The following CDH2 variants were observed in gnomAD, a reference collection of about 807,000 sequenced individuals.
CDH2 encodes cadherin 2.
A neutral mutation model predicts 92.0 loss-of-function variants in CDH2; 17 were observed. The observed-to-expected ratio is 0.18, with a 90% confidence interval of 0.13 to 0.28. The LOEUF is 0.28. Ranked by LOEUF, CDH2 falls within the 10% of genes least tolerant of loss-of-function variation. The probability of loss-of-function intolerance (pLI) is 1.00; values close to 1 mark genes in which losing one functional copy is unlikely to be tolerated. For missense variants in CDH2, 862 were observed against 1,133.1 expected, an observed-to-expected ratio of 0.76 and a Z score of 3.44; for synonymous variants, 419 against 415.9, an observed-to-expected ratio of 1.01 and a Z score of -0.09.
At chr18:27,986,863 A>C (rs1187410563) in intron 11 of CDH2, among the ~76,000 whole-genome samples, 2 of 152,242 alleles carry the variant, frequency 1.3e-5, no homozygotes, top group Non-Finnish European at 2.9e-5. Context: ...ATCACATTTA[A>C]TATTACTATA....
chr18:27,988,409 T>C, intron 11 of CDH2, 115 bp downstream of exon 11: 1 of 830,516 alleles, frequency 1.2e-6, no homozygotes, highest in Non-Finnish European at 1.9e-6. Flanking sequence ...GACCTCGGAA[T>C]TATAAAAGTC....
intron 1 of CDH2, among the ~76,000 whole-genome samples, chr18:28,155,922 T>C (rs1280875484): frequency 6.6e-6 from 1 of 152,202 alleles, no homozygotes; most frequent in Non-Finnish European, 1.5e-5. Flanking sequence ...GATGGCACTT[T>C]TGAATTTCAC....
intron 2 of CDH2, among the ~76,000 whole-genome samples, chr18:28,107,861 A>G (rs2015348305): frequency 6.6e-6 from 1 of 152,224 alleles, no homozygotes; most frequent in Non-Finnish European, 1.5e-5. Flanking sequence ...GTCTAGCGGA[A>G]AAGAAAAGGA....
chr18:28,160,510 G>C (rs1055685175), intron 1 of CDH2, among the ~76,000 whole-genome samples: 2 of 152,180 alleles, frequency 1.3e-5, no homozygotes, highest in Non-Finnish European at 2.9e-5. Context: ...GGGACAGCAT[G>C]GATTCTGACA....
chr18:28,101,776 C>T (rs909200540), intron 2 of CDH2, among the ~76,000 whole-genome samples: 1 of 152,072 alleles, frequency 6.6e-6, no homozygotes, highest in Non-Finnish European at 1.5e-5. Flanking sequence ...CTACCCTAAG[C>T]ATGAAAGGGC....
At chr18:27,957,891 T>C (rs757861225) in intron 15 of CDH2, among the ~76,000 whole-genome samples, 8 of 152,206 alleles carry the variant, frequency 5.3e-5, no homozygotes, top group Non-Finnish European at 1.0e-4. Flanking sequence ...CAATTTTTGA[T>C]GCAGAAGGAG....
At chr18:27,942,031 T>G (rs567607960) in intron 6 of CDH2, among the ~76,000 whole-genome samples, 3 of 152,290 alleles carry the variant, frequency 2.0e-5, no homozygotes, top group Admixed American at 2.0e-4. Flanking sequence ...ATAAAACATA[T>G]TTAATGCTGC....
chr18:28,056,678 T>C (rs1433653201), intron 2 of CDH2, among the ~76,000 whole-genome samples: 1 of 152,136 alleles, frequency 6.6e-6, no homozygotes. Context: ...CAAAAGGAAA[T>C]TCTAACAAAC....
chr18:27,965,849 T>C (rs544419735), intron 14 of CDH2, among the ~76,000 whole-genome samples: 20 of 151,166 alleles, frequency 1.3e-4, no homozygotes, highest in Non-Finnish European at 2.8e-4. Context: ...CCGGATGTGG[T>C]GGTGGGCGCC....
intron 2 of CDH2, among the ~76,000 whole-genome samples, chr18:28,126,460 C>A (rs2015679215): frequency 1.3e-5 from 2 of 152,008 alleles, no homozygotes; most frequent in African/African-American, 4.8e-5. Flanking sequence ...TTTACTGAAT[C>A]CCTTTAAAAT....
intron 2 of CDH2, among the ~76,000 whole-genome samples, chr18:28,043,468 A>T (rs992394207): frequency 1.7e-5 from 1 of 58,236 alleles, no homozygotes; most frequent in Non-Finnish European, 3.1e-5. Context: ...ATAAATATAT[A>T]TATATATATA....
intron 2 of CDH2, among the ~76,000 whole-genome samples, chr18:28,106,376 T>C (rs2015321546): frequency 6.6e-6 from 1 of 151,416 alleles, no homozygotes; most frequent in Admixed American, 6.6e-5. Context: ...GAGATGGCGC[T>C]ACTGCACTCC....
chr18:28,129,377 A>C (rs2015729723), intron 2 of CDH2, among the ~76,000 whole-genome samples: 1 of 152,348 alleles, frequency 6.6e-6, no homozygotes, highest in Non-Finnish European at 1.5e-5. Context: ...TGCTGTCAAA[A>C]AATATTTGAA....
chr18:27,985,637 A>G lies in CDH2; in HGVS notation c.1866T>C (p.Asn622=). Residue 622 remains asparagine (N), a synonymous_variant, in exon 12 of 16, where the codon AAT becomes AAC. Transcript: ENST00000269141. ...CAATGTCATAATCAAGTGCTGTAAT[A>G]TTAATTGAATTGGGGTCTGGAGTTT... The part of the protein sequence containing the change: ...TCETPDPNSI[N]ITALDYDIDP... The G allele has an allele frequency of 6.2e-7, 1 of 1,613,910 alleles. No homozygotes were observed. Among genetic ancestry groups the G allele is most frequent in the Middle Eastern group, 1.6e-4 (1 of 6,062 alleles).
chr18:28,164,669 C>A (rs1000476948), intron 1 of CDH2, among the ~76,000 whole-genome samples: 9 of 152,084 alleles, frequency 5.9e-5, no homozygotes, highest in African/African-American at 2.2e-4. Flanking sequence ...CACACAGACA[C>A]ACACACACAC....
rs1599018130 is a variant in CDH2, at chr18:27,993,729, A to G, written c.1021-92T>C. ...GTAAACGGCTCTTTATAATGCAAGGAGAGCATGGCATCATTCATTCTGATT... is the reference window on the plus strand; with the variant it reads ...GTAAACGGCTCTTTATAATGCAAGGGGAGCATGGCATCATTCATTCTGATT... On this transcript the variant is annotated intron_variant, in intron 7 of 15. Coordinates refer to ENST00000269141, the MANE Select transcript of CDH2 (RefSeq NM_001792.5). The G allele has an allele frequency of 4.3e-6, 4 of 924,768 alleles. No homozygotes were observed. In the East Asian group the frequency reaches 9.7e-5, roughly 22 times the overall value. 57.3% of individuals were successfully genotyped at this position (924,768 alleles called of 1,614,324 possible). A position where few individuals can be genotyped will look rare whatever the true frequency, so the allele number is the denominator to read the frequency against.
intron 2 of CDH2, among the ~76,000 whole-genome samples, chr18:28,068,826 C>T (rs571354624): frequency 2.6e-5 from 4 of 152,184 alleles, no homozygotes; most frequent in Admixed American, 6.5e-5. Context: ...AGATACAACC[C>T]GATAGGGAGT....
chr18:28,038,975 G>A (rs781364122), intron 2 of CDH2, among the ~76,000 whole-genome samples: 5 of 152,132 alleles, frequency 3.3e-5, no homozygotes, highest in Non-Finnish European at 7.4e-5. Context: ...CTCCTGTGAA[G>A]ATTTGGCAAT....
At chr18:28,032,904 G>A (rs1422651024) in intron 2 of CDH2, among the ~76,000 whole-genome samples, 1 of 152,022 alleles carries the variant, frequency 6.6e-6, no homozygotes, top group Non-Finnish European at 1.5e-5. Context: ...CATTTACAGT[G>A]AGTATAGAGA....
Sources: gnomAD v4.1 joint callset for allele counts (sites outside exome capture counted in the v4.1 genomes callset) on GRCh38, gnomAD v4.1.1 for gene constraint, MANE v1.5 for transcripts, NCBI Gene and HGNC (gene_info 2026-07-23, HGNC 2026-07-21) for gene names.